Variants in TMEFF2 observed in about 807,000 individuals in gnomAD.
The protein encoded by TMEFF2 is tomoregulin-2.
A neutral mutation model predicts 53.8 loss-of-function variants in TMEFF2; 28 were observed. The observed-to-expected ratio is 0.52, with a 90% CI of 0.39 to 0.71. The LOEUF is 0.71. TMEFF2 is among the 30% of genes least tolerant of loss of function. The pLI, the probability that TMEFF2 is intolerant of heterozygous loss-of-function variation, is 0.00. For synonymous variants in TMEFF2, 162 were observed against 166.3 expected (o/e 0.97, Z 0.20); for missense variants, 353 against 455.2 (o/e 0.78, Z 2.04).
intron 7 of TMEFF2, among the ~76,000 whole-genome samples, chr2:191,981,788 A>C (rs1351338448): frequency 6.6e-6 from 1 of 152,160 alleles, no homozygotes; most frequent in African/African-American, 2.4e-5. Flanking sequence ...TACATTTATC[A>C]ATCCTCATAA....
chr2:191,994,209 G>A (rs949860242), intron 7 of TMEFF2, among the ~76,000 whole-genome samples: 1 of 151,782 alleles, frequency 6.6e-6, no homozygotes, highest in Non-Finnish European at 1.5e-5. Context: ...CTGATTTTAT[G>A]TTTTCAATTT....
At chr2:191,985,221 T>TA (rs1685948555) in intron 7 of TMEFF2, among the ~76,000 whole-genome samples, 1 of 152,084 alleles carries the variant, frequency 6.6e-6, no homozygotes, top group Non-Finnish European at 1.5e-5. Flanking sequence ...GAGATGTAGA[T>TA]ACAATATTTT....
At chr2:192,075,300 T>TAAATATATATATATATATATAA (rs1559114998) in intron 4 of TMEFF2, among the ~76,000 whole-genome samples, 1 of 40,116 alleles carries the variant, frequency 2.5e-5, no homozygotes, top group Non-Finnish European at 5.8e-5. Context: ...TATATATATA[T>TAAATATATATATATATATATAA]ATATATATAT....
intron 4 of TMEFF2, among the ~76,000 whole-genome samples, chr2:192,167,336 CAT>C (rs144251023): frequency 0.012 from 1,809 of 152,144 alleles, 27 homozygotes; most frequent in Non-Finnish European, 0.019. Flanking sequence ...CTTCTGAAAA[CAT>C]GTGTTGGGCG....
At chr2:192,046,419 T>C (rs1198303076) in intron 5 of TMEFF2, among the ~76,000 whole-genome samples, 1 of 151,958 alleles carries the variant, frequency 6.6e-6, no homozygotes, top group Non-Finnish European at 1.5e-5. Context: ...TAACACCAGG[T>C]AGGTGACACT....
intron 2 of TMEFF2, 77 bp downstream of exon 2, chr2:192,191,803 G>C: frequency 1.9e-6 from 2 of 1,053,294 alleles, no homozygotes; most frequent in Admixed American, 2.0e-5. Flanking sequence ...AAATTTCCAA[G>C]TGATAGGCTG....
intron 4 of TMEFF2, among the ~76,000 whole-genome samples, chr2:192,066,959 G>A (rs758958427): frequency 5.9e-5 from 9 of 151,806 alleles, no homozygotes; most frequent in Non-Finnish European, 1.3e-4. Flanking sequence ...CCTGAAAGAT[G>A]AGAAATTTCT....
intron 4 of TMEFF2, among the ~76,000 whole-genome samples, chr2:192,088,692 T>C (rs1347051584): frequency 6.6e-6 from 1 of 152,204 alleles, no homozygotes; most frequent in African/African-American, 2.4e-5. Context: ...ATTTCATGTT[T>C]TCCCACCTTT....
At chr2:192,153,965 A>G (rs1690448723) in intron 4 of TMEFF2, among the ~76,000 whole-genome samples, 2 of 151,826 alleles carry the variant, frequency 1.3e-5, no homozygotes, top group Non-Finnish European at 2.9e-5. Context: ...TGGTTGGGGG[A>G]AGGGTGAATA....
At chr2:192,062,967 T>TA (rs1553518023) in intron 4 of TMEFF2, among the ~76,000 whole-genome samples, 12 of 6,340 alleles carry the variant, frequency 1.9e-3, no homozygotes, top group Non-Finnish European at 0.016. Flanking sequence ...AGTCCGGGAG[T>TA]GTTTTTTTTT....
At chr2:191,999,319 T>C (rs1437421691) in intron 5 of TMEFF2, 111 bp from the exon 6 acceptor site, 2 of 881,098 alleles carry the variant, frequency 2.3e-6, no homozygotes, top group African/African-American at 3.4e-5. Context: ...GTTGGCAAAA[T>C]TGAATTGTAT....
chr2:192,193,749 GAGATAGATAGAT>G (rs149082794), intron 1 of TMEFF2, among the ~76,000 whole-genome samples: 46 of 42,068 alleles, frequency 1.1e-3, no homozygotes, highest in Middle Eastern at 9.6e-3. Flanking sequence ...GAGAGAGAGA[GAGATAGATAGAT>G]AGAGAGAGAG....
chr2:192,183,514 A>G (rs1691238591), intron 3 of TMEFF2, among the ~76,000 whole-genome samples: 1 of 152,076 alleles, frequency 6.6e-6, no homozygotes, highest in Non-Finnish European at 1.5e-5. Context: ...ATATGCTTAT[A>G]TCATCCAAAT....
intron 2 of TMEFF2, among the ~76,000 whole-genome samples, chr2:192,190,780 G>A (rs1004451476): frequency 2.0e-5 from 3 of 152,024 alleles, no homozygotes; most frequent in African/African-American, 7.2e-5. Context: ...TTAGTGGGAG[G>A]TTGAATTCCA....
At chr2:192,029,217 AC>A (rs1456594570) in intron 5 of TMEFF2, 1 of 152,192 alleles carries the variant, frequency 6.6e-6, no homozygotes, top group Admixed American at 6.5e-5. Flanking sequence ...TTGGCCAACA[AC>A]CACCAAGAGC....
At chr2:191,999,280 G>T in intron 5 of TMEFF2, 72 bp from the exon 6 acceptor site, 1 of 1,316,874 alleles carries the variant, frequency 7.6e-7, no homozygotes. Flanking sequence ...AAACACAAAT[G>T]AAAGAATTGC....
chr2:192,070,026 A>G (rs369912777), intron 4 of TMEFF2, among the ~76,000 whole-genome samples: 58,839 of 112,150 alleles, frequency 0.52, 14,984 homozygotes, highest in East Asian at 0.68. Flanking sequence ...ATATATATAT[A>G]TATATATATA....
intron 7 of TMEFF2, among the ~76,000 whole-genome samples, chr2:191,978,320 T>C (rs1380198547): frequency 2.6e-5 from 4 of 152,156 alleles, no homozygotes; most frequent in Non-Finnish European, 4.4e-5. Context: ...GCTTCTTAAA[T>C]AGGTGGGTGG....
intron 5 of TMEFF2, among the ~76,000 whole-genome samples, chr2:192,015,313 T>TTC (rs1222184534): frequency 7.3e-6 from 1 of 137,276 alleles, no homozygotes. Flanking sequence ...TGAAGCTTTT[T>TTC]TTTTTTTTTT....
Sources: gnomAD v4.1 joint callset for allele counts (sites outside exome capture counted in the v4.1 genomes callset) on GRCh38, gnomAD v4.1.1 for gene constraint, MANE v1.5 for transcripts, NCBI Gene and HGNC (gene_info 2026-07-23, HGNC 2026-07-21) for gene names.